The following ITGAD variants were observed in gnomAD, a reference collection of about 807,000 sequenced individuals.
The protein encoded by ITGAD is integrin subunit alpha D, also known as integrin alpha-D.
A neutral mutation model predicts 139.0 loss-of-function variants in ITGAD; 105 were observed. The observed-to-expected ratio is 0.76, with a 90% CI of 0.65 to 0.89. The LOEUF is 0.89. Ranked by LOEUF, ITGAD falls within the 40% of genes least tolerant of loss-of-function variation. ITGAD has a pLI of 0.00. For synonymous variants in ITGAD, 569 were observed against 598.3 expected, an observed-to-expected ratio of 0.95 and a Z score of 0.71; for missense variants, 1,384 against 1,487.3, an observed-to-expected ratio of 0.93 and a Z score of 1.14.
intron 18 of ITGAD, among the ~76,000 whole-genome samples, chr16:31,415,670 C>T (rs1166961566): frequency 6.6e-6 from 1 of 152,188 alleles, no homozygotes; most frequent in Non-Finnish European, 1.5e-5. Flanking sequence ...ACTTGGAAAA[C>T]AGTGCCTTCT....
At chr16:31,416,454 C>T (rs1411506875) in intron 19 of ITGAD, 51 bp from the exon 20 acceptor site, 7 of 1,585,962 alleles carry the variant, frequency 4.4e-6, no homozygotes, top group Non-Finnish European at 4.3e-6. Flanking sequence ...CTTCCCAGTT[C>T]CCACCTATTT....
rs1467575270 is a variant in ITGAD at position 31,410,782 on chromosome 16, C to T, written c.1260C>T (p.Val420=). ...LALWKGVQNL[V]LGAPRYQHTG... Reference sequence around the variant, plus strand: ...TGTGGAAGGGGGTACAGAACCTGGTCCTGGGGGCCCCCCGCTACCAGCATA... The same window carrying T: ...TGTGGAAGGGGGTACAGAACCTGGTTCTGGGGGCCCCCCGCTACCAGCATA... The change falls in exon 12 of 30, where the codon GTC becomes GTT. Residue 420 remains valine (V), a synonymous_variant. Transcript: ENST00000389202. 6.2e-7 allele frequency: 1 copy of T among 1,613,676 alleles called. No individual in the cohort carries two copies. The highest frequency in any genetic ancestry group is 1.3e-5 in the African/African-American group (1 of 74,980).
At chr16:31,414,049 G>C (rs1440811902) in intron 16 of ITGAD, among the ~76,000 whole-genome samples, 2 of 152,108 alleles carry the variant, frequency 1.3e-5, no homozygotes, top group Non-Finnish European at 2.9e-5. Context: ...TCATCTATCT[G>C]CCAAATCTGT....
Position 31,413,109 on chromosome 16 carries a change from T to C in ITGAD, c.1859T>C (p.Val620Ala). The change falls in exon 16 of 30, where the codon GTG becomes GCG. Residue 620 changes from valine (V) to alanine (A), a missense_variant. Transcript: ENST00000389202. The part of the protein sequence containing the change: ...LLLRSLPVLK[V>A]GVAMRFSPVE... Reference sequence around the variant, plus strand: ...CTCAGGAGTCTGCCGGTGCTGAAAGTGGGGGTGGCCATGAGATTCAGCCCT... The same window carrying C: ...CTCAGGAGTCTGCCGGTGCTGAAAGCGGGGGTGGCCATGAGATTCAGCCCT... 6.2e-7 allele frequency: 1 copy of C among 1,613,978 alleles called. No individual in the cohort carries two copies. The highest frequency in any genetic ancestry group is 8.5e-7 in the Non-Finnish European group (1 of 1,179,976).
rs763914123 is a variant in ITGAD at position 31,402,073 on chromosome 16, G to T, written c.428-42G>T. 2.5e-6 allele frequency: 4 copies of T among 1,597,952 alleles called. No homozygotes were observed. In the African/African-American group the frequency reaches 5.4e-5, roughly 21 times the overall value. ...AGCAGGAGCTGCAGGAGGGGGTTGG[G>T]CCCCCGCAGTGCATCTCCGATTCCT... On this transcript the variant is annotated intron_variant, in intron 5 of 29. Transcript: ENST00000389202.
rs1209650275 is a variant in ITGAD, at chr16:31,424,512, A to T, written c.3307A>T (p.Ile1103Phe). The T allele has an allele frequency of 1.2e-6, 2 of 1,614,064 alleles. No individual in the cohort carries two copies. Among genetic ancestry groups the T allele is most frequent in the Non-Finnish European group, 1.7e-6 (2 of 1,179,986 alleles). ...AGACGAGGTCTACAATGCCATTCCC[A>T]TCATCATGGGCAGCTCTGTGGGGGC... ...EEDEVYNAIP[I>F]IMGSSVGALL... The change falls in exon 29 of 30, where the codon ATC becomes TTC. Residue 1103 changes from isoleucine (I) to phenylalanine (F), a missense_variant. Coordinates refer to ENST00000389202, the MANE Select transcript of ITGAD (RefSeq NM_005353.3).
intron 17 of ITGAD, 33 bp downstream of exon 17, chr16:31,414,638 A>G (rs1347697269): frequency 1.9e-6 from 3 of 1,612,624 alleles, no homozygotes; most frequent in Non-Finnish European, 2.5e-6. Flanking sequence ...AGGGGGAGAG[A>G]GGAGGAGCCC....
At chr16:31,397,062 GTTT>G (rs539015704) in intron 2 of ITGAD, among the ~76,000 whole-genome samples, 2,114 of 100,244 alleles carry the variant, frequency 0.021, 9 homozygotes, top group African/African-American at 0.066. Flanking sequence ...CTTTAAATAG[GTTT>G]TTTTTTTTTT....
intron 25 of ITGAD, 47 bp downstream of exon 25, chr16:31,423,506 C>G (rs759579265): frequency 6.2e-7 from 1 of 1,600,206 alleles, no homozygotes; most frequent in East Asian, 2.2e-5. Context: ...TCCCACAGCA[C>G]AGCACTCCCT....
chr16:31,423,854 A>G lies in ITGAD; in HGVS notation c.3055A>G (p.Ile1019Val), dbSNP rs1382516335. 2 of 1,614,178 alleles carry G rather than the reference A, an allele frequency of 1.2e-6. No homozygotes were observed. The highest frequency in any genetic ancestry group is 2.2e-5 in the South Asian group (2 of 91,078). The change falls in exon 27 of 30, where the codon ATT becomes GTT. Residue 1019 changes from isoleucine to valine, a missense_variant. By Grantham distance (29) the Ile-to-Val change is conservative. Transcript: ENST00000389202. ...CCTCTTCTGCCCCCAGGACTGCTCC[A>G]TTGCTGACTGCCTGCAGTTCCGCTG... Reference protein sequence around the residue: ...ISRSPMLDCSIADCLQFRCDV... With the variant: ...ISRSPMLDCSVADCLQFRCDV...
In ITGAD at chr16:31,401,560, G is replaced by T. The variant is rs577443655; in HGVS notation, c.428-555G>T. Among the ~76,000 whole-genome samples, 14 of 152,300 alleles carry T rather than the reference G, an allele frequency of 9.2e-5. No homozygotes were observed. The East Asian group carries it at 1.7e-3, about 19-fold the overall frequency. On this transcript the variant is annotated intron_variant, in intron 5 of 29. Coordinates refer to ENST00000389202, the MANE Select transcript of ITGAD (RefSeq NM_005353.3). ...ACAGGCATATCCTACAGGCCTCGAA[G>T]GTGCCTGGCACGTGGTGAGAATGGT... is the stretch of plus-strand genomic sequence containing the variant.
In ITGAD at chr16:31,411,338, C is replaced by T. The variant is rs369256257; in HGVS notation, c.1528C>T (p.Arg510Cys). 61 of 1,613,546 alleles carry T rather than the reference C, an allele frequency of 3.8e-5. No homozygotes were observed. Among genetic ancestry groups the T allele is most frequent in the Admixed American group, 3.0e-4 (18 of 59,962 alleles). ...RVQWQCDAVL[R>C]GEQGHPWGRF... ...GCAGTGGCAGTGTGACGCTGTTCTC[C>T]GTGGTGAGCAGGGCCACCCCTGGGG... Residue 510 changes from arginine to cysteine, a missense_variant, in exon 14 of 30, where the codon CGT becomes TGT. Transcript: ENST00000389202.
At chr16:31,414,725 C>T (rs1398153067) in intron 17 of ITGAD, 120 bp downstream of exon 17, 2 of 1,547,542 alleles carry the variant, frequency 1.3e-6, no homozygotes, top group African/African-American at 2.7e-5. Context: ...GAGAGAGGGA[C>T]ATTAGGGCAG....
intron 23 of ITGAD, among the ~76,000 whole-genome samples, chr16:31,420,052 T>C (rs1442685934): frequency 6.6e-6 from 1 of 152,122 alleles, no homozygotes; most frequent in Non-Finnish European, 1.5e-5. Flanking sequence ...GTCCTTTGTA[T>C]TAAATGTGAA....
intron 16 of ITGAD, among the ~76,000 whole-genome samples, chr16:31,414,127 A>G (rs2081814612): frequency 6.6e-6 from 1 of 152,104 alleles, no homozygotes; most frequent in Admixed American, 6.6e-5. Flanking sequence ...TCTATCACCT[A>G]TTATCTATCA....
In ITGAD at chr16:31,418,135, G is replaced by A; in HGVS notation, c.2560G>A (p.Gly854Ser). Residue 854 changes from glycine (G) to serine (S), a missense_variant, in exon 21 of 30, where the codon GGC (glycine) becomes AGC (serine). Transcript: ENST00000389202. ...TGAGACAGTGCCCACTGAGGATGAG[G>A]GCCTAAGAAGCAGCCGCTGCAGTGT... Reference protein sequence around the residue: ...ACETVPTEDEGLRSSRCSVNH... With the variant: ...ACETVPTEDESLRSSRCSVNH... The A allele has an allele frequency of 6.2e-7, 1 of 1,614,044 alleles. No individual in the cohort carries two copies. Among genetic ancestry groups the A allele is most frequent in the African/African-American group, 1.3e-5 (1 of 74,992 alleles).
At chr16:31,394,175 A>C in intron 1 of ITGAD, 61 bp from the exon 2 acceptor site, 5 of 851,270 alleles carry the variant, frequency 5.9e-6, no homozygotes, top group Non-Finnish European at 9.5e-6. Flanking sequence ...AGAGGCTGGG[A>C]GGTCCTAGGG....
chr16:31,421,415 G>C (rs2082003972), intron 23 of ITGAD, among the ~76,000 whole-genome samples: 1 of 150,836 alleles, frequency 6.6e-6, no homozygotes, highest in Admixed American at 6.6e-5. Flanking sequence ...CTTGAGCCCA[G>C]GAGTTTAAGA....
chr16:31,414,623 T>A lies in ITGAD; in HGVS notation c.2151+18T>A, dbSNP rs2081835016. ...TTTTGCCAGTGAGGACTTTGGGTTC[T>A]GGGAAGGGGGAGAGAGGAGGAGCCC... is the stretch of plus-strand genomic sequence containing the variant. On this transcript the variant is annotated intron_variant, in intron 17 of 29. Coordinates refer to ENST00000389202, the MANE Select transcript of ITGAD (RefSeq NM_005353.3). The A allele has an allele frequency of 6.2e-7, 1 of 1,613,594 alleles. No individual in the cohort carries two copies. The highest frequency in any genetic ancestry group is 8.5e-7 in the Non-Finnish European group (1 of 1,179,620).
Sources: allele counts gnomAD v4.1 joint callset (sites outside exome capture counted in the v4.1 genomes callset), GRCh38; gene constraint gnomAD v4.1.1; transcripts MANE v1.5; gene names NCBI Gene and HGNC (gene_info 2026-07-23, HGNC 2026-07-21).